The following PTPRE variants were observed in gnomAD, a reference collection of about 807,000 sequenced individuals.
PTPRE encodes the protein receptor-type tyrosine-protein phosphatase epsilon.
PTPRE carries 51 observed loss-of-function variants against 102.0 expected under a neutral mutation model. That is an observed-to-expected ratio of 0.50 (90% CI 0.40 to 0.63). The LOEUF (loss-of-function observed/expected upper bound fraction) is 0.63, where lower values mean the gene tolerates loss of function less well. Ranked by LOEUF, PTPRE falls within the 30% of genes least tolerant of loss-of-function variation. PTPRE has a pLI of 0.00. For missense variants in PTPRE, 752 were observed against 915.1 expected, an observed-to-expected ratio of 0.82 and a Z score of 2.30; for synonymous variants, 345 against 348.2, an observed-to-expected ratio of 0.99 and a Z score of 0.10.
chr10:128,035,776 G>T (rs1199685360), intron 2 of PTPRE, among the ~76,000 whole-genome samples: 2 of 152,222 alleles, frequency 1.3e-5, no homozygotes, highest in African/African-American at 2.4e-5. Flanking sequence ...GGGGTCAGCT[G>T]GGCAACTCCT....
chr10:127,956,870 T>C (rs1480404019), intron 1 of PTPRE, among the ~76,000 whole-genome samples: 1 of 152,220 alleles, frequency 6.6e-6, no homozygotes, highest in East Asian at 1.9e-4. Flanking sequence ...ATATGTTTTC[T>C]TTGTTGATGT....
At chr10:128,041,020 C>G (rs949488179) in intron 3 of PTPRE, 30 bp downstream of exon 3, 23 of 1,580,500 alleles carry the variant, frequency 1.5e-5, no homozygotes, top group Non-Finnish European at 1.7e-5. Flanking sequence ...GCTGCCTCCC[C>G]TACTACCTCC....
At chr10:128,064,277 C>T (rs147172257) in intron 10 of PTPRE, among the ~76,000 whole-genome samples, 1 of 152,230 alleles carries the variant, frequency 6.6e-6, no homozygotes, top group East Asian at 1.9e-4. Context: ...CTCCAGCCAC[C>T]GTTTCTGGTC....
chr10:127,922,087 G>A (rs1376121447), intron 1 of PTPRE, among the ~76,000 whole-genome samples: 1 of 152,220 alleles, frequency 6.6e-6, no homozygotes, highest in Non-Finnish European at 1.5e-5. Flanking sequence ...TTTGAAAGAA[G>A]GCTACTGGAG....
intron 2 of PTPRE, among the ~76,000 whole-genome samples, chr10:128,023,250 C>T (rs1846049765): frequency 6.6e-6 from 1 of 150,390 alleles, no homozygotes; most frequent in Non-Finnish European, 1.5e-5. Flanking sequence ...TAGGAAAAAG[C>T]ATAGTATATA....
intron 2 of PTPRE, among the ~76,000 whole-genome samples, chr10:128,022,940 A>G (rs566889320): frequency 7.6e-4 from 116 of 152,332 alleles, no homozygotes; most frequent in Non-Finnish European, 1.3e-3. Flanking sequence ...TAATGTGAAG[A>G]CAATCATGAA....
intron 20 of PTPRE, among the ~76,000 whole-genome samples, chr10:128,080,895 G>A (rs1218936760): frequency 7.2e-5 from 11 of 152,228 alleles, no homozygotes; most frequent in South Asian, 2.1e-4. Flanking sequence ...ACCATCAGGC[G>A]TTGGGCGCAG....
intron 1 of PTPRE, among the ~76,000 whole-genome samples, chr10:127,968,977 C>T (rs1416630919): frequency 6.6e-6 from 1 of 152,220 alleles, no homozygotes. Flanking sequence ...TAAACACTTT[C>T]CTGGTGTTAC....
chr10:127,972,640 C>A (rs1363096968), intron 1 of PTPRE, among the ~76,000 whole-genome samples: 1 of 152,228 alleles, frequency 6.6e-6, no homozygotes, highest in East Asian at 1.9e-4. Flanking sequence ...TGCCGTGGAT[C>A]ATCAGCAAGT....
rs1851995575 is a variant in PTPRE at position 128,085,063 on chromosome 10, T to C, written c.*2157T>C. 2.2e-6 allele frequency: 1 copy of C among 455,976 alleles called. No individual in the cohort carries two copies. Among genetic ancestry groups the C allele is most frequent in the Non-Finnish European group, 4.4e-6 (1 of 226,814 alleles). The allele number at this position is 455,976 out of a possible 1,614,324, so 28.2% of individuals were successfully genotyped here. A position where few individuals can be genotyped will look rare whatever the true frequency, so the allele number is the denominator to read the frequency against. On this transcript the variant is annotated 3_prime_UTR_variant, in exon 21 of 21. Coordinates refer to ENST00000254667, the MANE Select transcript of PTPRE (RefSeq NM_006504.6). ...GGGTTCTGCCTGTTCCCAAACTTTT[T>C]CCATTCCAGGAACAAAGGAGAAGCC...
chr10:127,918,307 C>G (rs529577893), intron 1 of PTPRE, among the ~76,000 whole-genome samples: 3 of 152,100 alleles, frequency 2.0e-5, no homozygotes, highest in African/African-American at 7.2e-5. Flanking sequence ...GCCTGTAATA[C>G]CATCACTTTT....
chr10:127,963,247 C>T (rs1034753797), intron 1 of PTPRE, among the ~76,000 whole-genome samples: 12 of 152,124 alleles, frequency 7.9e-5, no homozygotes, highest in Admixed American at 7.2e-4. Context: ...CACACACAGA[C>T]CAGCAGAAAC....
chr10:128,060,803 G>A, intron 7 of PTPRE, 136 bp from the exon 8 acceptor site: 10 of 731,736 alleles, frequency 1.4e-5, no homozygotes, highest in Non-Finnish European at 2.1e-5. Context: ...GCCATCCCTG[G>A]TGTCGCTGTG....
chr10:127,936,065 C>T (rs1319094638), intron 1 of PTPRE: 4 of 152,212 alleles, frequency 2.6e-5, no homozygotes, highest in South Asian at 4.1e-4. Flanking sequence ...TAGGAAAAAC[C>T]GTCTCTGCGT....
rs1402454038 is a variant in PTPRE, at chr10:128,071,253, C to T, written c.1387+352C>T. 5 of 328,536 alleles carry T rather than the reference C, an allele frequency of 1.5e-5. No homozygotes were observed. The South Asian group carries it at 1.7e-4, about 11-fold the overall frequency. The allele number at this position is 328,536 out of a possible 1,614,324, so 20.4% of individuals were successfully genotyped here. A position where few individuals can be genotyped will look rare whatever the true frequency, so the allele number is the denominator to read the frequency against. ...ATTCCTTGTCTCATTCCTTGTCTCC[C>T]CAAGCCTGGGCAGAGGCCCGCCTCC... On this transcript the variant is annotated intron_variant, in intron 15 of 20. Transcript: ENST00000254667.
intron 1 of PTPRE, among the ~76,000 whole-genome samples, chr10:127,971,031 A>T (rs980198339): frequency 2.6e-5 from 4 of 152,172 alleles, no homozygotes; most frequent in African/African-American, 9.7e-5. Context: ...TGGCAGACCC[A>T]GGAAGGTGCT....
At chr10:127,937,789 G>T (rs1449072660) in intron 1 of PTPRE, among the ~76,000 whole-genome samples, 1 of 152,044 alleles carries the variant, frequency 6.6e-6, no homozygotes, top group East Asian at 1.9e-4. Flanking sequence ...AACCCAGGAG[G>T]CTGAGGTTGC....
At chr10:127,913,874 C>G (rs938444291) in intron 1 of PTPRE, among the ~76,000 whole-genome samples, 1 of 152,206 alleles carries the variant, frequency 6.6e-6, no homozygotes, top group African/African-American at 2.4e-5. Flanking sequence ...CCTCATCCAC[C>G]AGCCTTTTGG....
chr10:128,079,757 G>A (rs942605718), intron 20 of PTPRE, 62 bp downstream of exon 20: 6 of 1,554,010 alleles, frequency 3.9e-6, no homozygotes, highest in South Asian at 2.3e-5. Flanking sequence ...TGTATTTGAT[G>A]TATGTTTCAT....
Sources: gnomAD v4.1 joint callset for allele counts (sites outside exome capture counted in the v4.1 genomes callset) on GRCh38, gnomAD v4.1.1 for gene constraint, MANE v1.5 for transcripts, NCBI Gene and HGNC (gene_info 2026-07-23, HGNC 2026-07-21) for gene names.